Variants in IL1RAPL1 observed in about 807,000 individuals in gnomAD.
IL1RAPL1 encodes the protein interleukin 1 receptor accessory protein like 1, also known as interleukin-1 receptor accessory protein-like 1.
IL1RAPL1 carries 3 observed loss-of-function variants against 48.4 expected under a neutral mutation model. The observed-to-expected ratio is 0.06, with a 90% CI of 0.03 to 0.16. The LOEUF is 0.16. IL1RAPL1 is among the 10% of genes least tolerant of loss of function. The pLI, the probability that IL1RAPL1 is intolerant of heterozygous loss-of-function variation, is 1.00. For synonymous variants in IL1RAPL1, 185 were observed against 187.7 expected (o/e 0.99, Z 0.12); for missense variants, 349 against 530.6 (o/e 0.66, Z 3.36).
At chrX:28,886,439 C>T (rs1601944792) in intron 2 of IL1RAPL1, among the ~76,000 whole-genome samples, 2 of 108,227 alleles carry the variant, frequency 1.8e-5, no homozygotes, top group African/African-American at 3.3e-5. Context: ...CTGTAGAGAA[C>T]AACCAAAGTT....
At chrX:29,055,450 C>A (rs1016730760) in intron 2 of IL1RAPL1, among the ~76,000 whole-genome samples, 16 of 111,621 alleles carry the variant, frequency 1.4e-4, no homozygotes, top group South Asian at 3.7e-4. Flanking sequence ...CTAATTCTTG[C>A]TCTAGTTATC....
At chrX:29,278,866 G>A (rs1932156448) in intron 2 of IL1RAPL1, among the ~76,000 whole-genome samples, 1 of 111,681 alleles carries the variant, frequency 9.0e-6, no homozygotes, top group African/African-American at 3.3e-5. Context: ...CACTACACAA[G>A]GTTAAAAAAT....
rs202062477 is a variant in IL1RAPL1, at chrX:28,594,553, ATGAAG to A, written c.-25+6513_-25+6517del. On this transcript the variant is annotated intron_variant, in intron 1 of 10. Coordinates refer to ENST00000378993, the MANE Select transcript of IL1RAPL1 (RefSeq NM_014271.4). ...AACAAGGAATTTGCAAACCAGAGAA[ATGAAG>A]TGAAGTTTCCAAGATCTTACAATTT... Among the ~76,000 whole-genome samples, 6 of 111,716 alleles carry A rather than the reference ATGAAG, an allele frequency of 5.4e-5. No homozygotes were observed. The East Asian group carries it at 8.4e-4, about 16-fold the overall frequency.
rs931884073 is a variant in IL1RAPL1 at position 29,477,559 on chromosome X, A to G, written c.703+78251A>G. ...AAGATTTGATTACATTGAAAACAGC[A>G]ATAGCTAACACTTCTTTAGTGCATC... is the stretch of plus-strand genomic sequence containing the variant. On this transcript the variant is annotated intron_variant, in intron 5 of 10. Transcript: ENST00000378993. Among the ~76,000 whole-genome samples the G allele has an allele frequency of 4.5e-5, 5 of 112,358 alleles. No homozygotes were observed. In the Admixed American group the frequency reaches 4.7e-4, roughly 11 times the overall value.
At chrX:29,866,095 G>C (rs1931691120) in intron 6 of IL1RAPL1, among the ~76,000 whole-genome samples, 1 of 111,549 alleles carries the variant, frequency 9.0e-6, no homozygotes, top group Non-Finnish European at 1.9e-5. Flanking sequence ...ATTAGCTTTG[G>C]GTTCAGTTTT....
intron 2 of IL1RAPL1, among the ~76,000 whole-genome samples, chrX:29,040,053 T>A (rs1347963159): frequency 8.9e-6 from 1 of 112,067 alleles, no homozygotes; most frequent in Non-Finnish European, 1.9e-5. Context: ...GGGCCTAGAT[T>A]TAAAAAAATG....
At chrX:28,958,846 TAATG>T (rs1232021696) in intron 2 of IL1RAPL1, among the ~76,000 whole-genome samples, 1 of 111,134 alleles carries the variant, frequency 9.0e-6, no homozygotes, top group Non-Finnish European at 1.9e-5. Flanking sequence ...TAATCCATAA[TAATG>T]AATTAAGGAA....
chrX:29,216,428 C>T (rs923357324), intron 2 of IL1RAPL1, among the ~76,000 whole-genome samples: 3 of 110,982 alleles, frequency 2.7e-5, no homozygotes, highest in Non-Finnish European at 3.8e-5. Context: ...TTCCTGGACT[C>T]GAGCGATCCA....
intron 1 of IL1RAPL1, among the ~76,000 whole-genome samples, chrX:28,735,477 C>T (rs1441346817): frequency 9.0e-6 from 1 of 111,000 alleles, no homozygotes; most frequent in African/African-American, 3.3e-5. Context: ...CAGGAAGATT[C>T]CTCAGAATCT....
intron 5 of IL1RAPL1, among the ~76,000 whole-genome samples, chrX:29,571,108 G>C (rs1338011296): frequency 9.0e-6 from 1 of 110,739 alleles, no homozygotes; most frequent in Non-Finnish European, 1.9e-5. Flanking sequence ...TATAGTCCCA[G>C]CTACTCAGGA....
intron 1 of IL1RAPL1, among the ~76,000 whole-genome samples, chrX:28,783,299 C>T (rs772773560): frequency 2.7e-5 from 3 of 112,024 alleles, no homozygotes; most frequent in East Asian, 5.6e-4. Context: ...TTGACTGCTG[C>T]GTATAGTATT....
At chrX:29,205,820 T>A (rs1448446892) in intron 2 of IL1RAPL1, among the ~76,000 whole-genome samples, 1 of 109,857 alleles carries the variant, frequency 9.1e-6, no homozygotes, top group Non-Finnish European at 1.9e-5. Context: ...CTGCAACCTC[T>A]GCCACCCGGG....
At chrX:29,006,427 T>C (rs1487413733) in intron 2 of IL1RAPL1, among the ~76,000 whole-genome samples, 2 of 107,489 alleles carry the variant, frequency 1.9e-5, no homozygotes, top group Non-Finnish European at 3.8e-5. Flanking sequence ...GGCAGGAGAA[T>C]CACCTGAACC....
At chrX:28,725,097 G>A (rs899999165) in intron 1 of IL1RAPL1, among the ~76,000 whole-genome samples, 2 of 52,625 alleles carry the variant, frequency 3.8e-5, no homozygotes, top group Non-Finnish European at 6.2e-5. Context: ...GACTATAGGC[G>A]CCCGCACCAC....
intron 2 of IL1RAPL1, among the ~76,000 whole-genome samples, chrX:28,811,078 TAG>T (rs1936788929): frequency 9.0e-6 from 1 of 110,933 alleles, no homozygotes; most frequent in Non-Finnish European, 1.9e-5. Context: ...TGTTTGGATT[TAG>T]AGTTTAAATA....
chrX:29,134,054 G>C (rs1260544727), intron 2 of IL1RAPL1, among the ~76,000 whole-genome samples: 1 of 111,566 alleles, frequency 9.0e-6, no homozygotes, highest in African/African-American at 3.3e-5. Context: ...ATATTCCATG[G>C]TAAGGACTTA....
chrX:29,776,784 G>A (rs1408606894), intron 6 of IL1RAPL1, among the ~76,000 whole-genome samples: 2 of 111,689 alleles, frequency 1.8e-5, no homozygotes, highest in East Asian at 5.6e-4. Context: ...ATCAAAATAA[G>A]GAGATTCAAA....
At chrX:29,949,500 T>C (rs1435011486) in intron 9 of IL1RAPL1, among the ~76,000 whole-genome samples, 1 of 111,955 alleles carries the variant, frequency 8.9e-6, no homozygotes, top group Non-Finnish European at 1.9e-5. Flanking sequence ...AAAGAATTAC[T>C]ACAAAGAGTG....
intron 2 of IL1RAPL1, among the ~76,000 whole-genome samples, chrX:29,130,981 A>G (rs1220668632): frequency 8.9e-6 from 1 of 112,208 alleles, no homozygotes; most frequent in Non-Finnish European, 1.9e-5. Context: ...GTATCTTACC[A>G]TTGGAGTCTG....
Sources: gnomAD v4.1 joint callset for allele counts (sites outside exome capture counted in the v4.1 genomes callset) on GRCh38, gnomAD v4.1.1 for gene constraint, MANE v1.5 for transcripts, NCBI Gene and HGNC (gene_info 2026-07-23, HGNC 2026-07-21) for gene names.